The following ADGRB3 variants were observed in gnomAD, a reference collection of about 807,000 sequenced individuals.
ADGRB3 encodes the protein brain-specific angiogenesis inhibitor 3.
In ADGRB3, 37 loss-of-function variants were observed where a neutral mutation model predicts 193.4. The ratio of observed to expected loss-of-function variants is 0.19; its 90% confidence interval spans 0.15 to 0.25. The LOEUF (loss-of-function observed/expected upper bound fraction) is 0.25. Among genes scored for constraint, ADGRB3 ranks in the 10% least tolerant of loss-of-function variants. The probability of loss-of-function intolerance (pLI) is 1.00; values close to 1 mark genes in which losing one functional copy is unlikely to be tolerated. For missense variants in ADGRB3, 1,637 were observed against 1,852.9 expected, an observed-to-expected ratio of 0.88 and a Z score of 2.14; for synonymous variants, 690 against 644.2, an observed-to-expected ratio of 1.07 and a Z score of -1.08.
Position 68,749,408 on chromosome 6 carries a change from A to ATATGTGTGTG in ADGRB3, c.757+109977_757+109978insATGTGTGTGT, listed in dbSNP as rs540892508. ...TAAACTCCCCTTTATATATATATATATGTGTGTGTGTGTGTGTGTGTGTGT... is the reference window on the plus strand; with the variant it reads ...TAAACTCCCCTTTATATATATATATATATGTGTGTGTGTGTGTGTGTGTGTGTGTGTGTGT... On this transcript the variant is annotated intron_variant, in intron 3 of 31. Coordinates refer to ENST00000370598, the MANE Select transcript of ADGRB3 (RefSeq NM_001704.3). 9.5e-3 allele frequency among the ~76,000 whole-genome samples: 1,296 copies of ATATGTGTGTG among 136,496 alleles called. 8 individuals are homozygous for ATATGTGTGTG. The highest frequency in any genetic ancestry group is 0.015 in the Non-Finnish European group (971 of 64,116). The allele number at this position is 136,496 out of a possible 152,430, so 89.5% of individuals were successfully genotyped here.
intron 3 of ADGRB3, among the ~76,000 whole-genome samples, chr6:68,824,340 T>C (rs1767802121): frequency 6.6e-6 from 1 of 151,692 alleles, no homozygotes; most frequent in African/African-American, 2.4e-5. Context: ...TTTTAAATTA[T>C]AATGATTATG....
At chr6:69,160,502 T>C (rs1774954017) in intron 17 of ADGRB3, among the ~76,000 whole-genome samples, 3 of 152,170 alleles carry the variant, frequency 2.0e-5, no homozygotes, top group Admixed American at 2.0e-4. Flanking sequence ...TTTTCTCAAA[T>C]GTTATCTTTC....
At chr6:68,949,879 A>G (rs1217307636) in intron 6 of ADGRB3, among the ~76,000 whole-genome samples, 9 of 151,776 alleles carry the variant, frequency 5.9e-5, no homozygotes. Flanking sequence ...TTTCTCATTC[A>G]AACTTTAACT....
chr6:68,730,465 G>C (rs1765752044), intron 3 of ADGRB3, among the ~76,000 whole-genome samples: 1 of 151,650 alleles, frequency 6.6e-6, no homozygotes, highest in Non-Finnish European at 1.5e-5. Context: ...TAAAGTTGAT[G>C]ACTCAGGCAC....
chr6:69,147,028 A>C (rs1220930151), intron 17 of ADGRB3, among the ~76,000 whole-genome samples: 1 of 150,924 alleles, frequency 6.6e-6, no homozygotes, highest in Non-Finnish European at 1.5e-5. Flanking sequence ...GATTTTATTT[A>C]TTTGGGTATC....
intron 17 of ADGRB3, among the ~76,000 whole-genome samples, chr6:69,128,096 G>A (rs1773907060): frequency 6.6e-6 from 1 of 152,128 alleles, no homozygotes; most frequent in African/African-American, 2.4e-5. Flanking sequence ...TCTCTTTGCA[G>A]TGAGAAATTG....
chr6:68,972,226 T>G (rs1006605991), intron 8 of ADGRB3, among the ~76,000 whole-genome samples: 2 of 152,180 alleles, frequency 1.3e-5, no homozygotes, highest in Non-Finnish European at 2.9e-5. Flanking sequence ...GTGATTAGTT[T>G]TATTTTATTA....
At chr6:68,833,816 A>C (rs1272129932) in intron 3 of ADGRB3, among the ~76,000 whole-genome samples, 1 of 152,040 alleles carries the variant, frequency 6.6e-6, no homozygotes, top group South Asian at 2.1e-4. Flanking sequence ...ATTACATCCA[A>C]AAATAATCCA....
intron 20 of ADGRB3, among the ~76,000 whole-genome samples, chr6:69,289,840 G>A (rs1325147015): frequency 1.3e-5 from 2 of 151,664 alleles, no homozygotes; most frequent in African/African-American, 2.4e-5. Flanking sequence ...GCCACATCTC[G>A]TTTGCCGCCA....
At chr6:68,765,916 A>G (rs1358775168) in intron 3 of ADGRB3, among the ~76,000 whole-genome samples, 4 of 151,972 alleles carry the variant, frequency 2.6e-5, no homozygotes, top group Non-Finnish European at 5.9e-5. Context: ...ATATATTTAC[A>G]TGTGTCTGAA....
intron 4 of ADGRB3, among the ~76,000 whole-genome samples, chr6:68,935,831 T>G (rs1447920645): frequency 6.6e-6 from 1 of 152,176 alleles, no homozygotes; most frequent in Non-Finnish European, 1.5e-5. Flanking sequence ...TAAATAAATT[T>G]TAATTCCATA....
chr6:69,132,217 G>A (rs1247635643), intron 17 of ADGRB3, among the ~76,000 whole-genome samples: 1 of 152,128 alleles, frequency 6.6e-6, no homozygotes, highest in African/African-American at 2.4e-5. Context: ...CCTCCATAAT[G>A]GTTGAACTAA....
chr6:69,253,635 A>T (rs182143080), intron 20 of ADGRB3, among the ~76,000 whole-genome samples: 18 of 152,192 alleles, frequency 1.2e-4, no homozygotes, highest in Admixed American at 1.0e-3. Flanking sequence ...AGAACTATGC[A>T]CTGCTCTAGG....
chr6:69,131,252 G>A lies in ADGRB3; in HGVS notation c.2480+55214G>A, dbSNP rs539255774. 1.6e-4 allele frequency among the ~76,000 whole-genome samples: 24 copies of A among 152,118 alleles called. No individual in the cohort carries two copies. In the South Asian group the frequency reaches 3.3e-3, roughly 21 times the overall value. ...ATTGGAAATTGTCTTCAACTAAAAC[G>A]GGATCAAGAAATGACACTGAAAATT... On this transcript the variant is annotated intron_variant, in intron 17 of 31. Transcript: ENST00000370598.
At chr6:69,242,219 A>G (rs907778274) in intron 20 of ADGRB3, among the ~76,000 whole-genome samples, 2 of 151,956 alleles carry the variant, frequency 1.3e-5, no homozygotes, top group Non-Finnish European at 2.9e-5. Context: ...ATGTGCATAA[A>G]CTACAAATAA....
In ADGRB3 at chr6:69,233,587, A is replaced by G. The variant is rs140147027; in HGVS notation, c.2607+171A>G. On this transcript the variant is annotated intron_variant, in intron 18 of 31. Coordinates refer to ENST00000370598, the MANE Select transcript of ADGRB3 (RefSeq NM_001704.3). ...CTTGGTGGAATGAATTCTAGTTGGTATTCTATAACTAAATTCTACTCAATT... is the reference window on the plus strand; with the variant it reads ...CTTGGTGGAATGAATTCTAGTTGGTGTTCTATAACTAAATTCTACTCAATT... Among the ~76,000 whole-genome samples the G allele has an allele frequency of 3.0e-3, 450 of 152,308 alleles. 1 individual carries two copies. Among genetic ancestry groups the G allele is most frequent in the Admixed American group, 5.0e-3 (77 of 15,294 alleles).
At chr6:68,863,641 CACT>C in intron 3 of ADGRB3, among the ~76,000 whole-genome samples, 1 of 152,138 alleles carries the variant, frequency 6.6e-6, no homozygotes, top group Middle Eastern at 3.4e-3. Context: ...TTGATGAATA[CACT>C]TAAAAATATA....
At chr6:69,276,518 C>T (rs1011967551) in intron 20 of ADGRB3, among the ~76,000 whole-genome samples, 1 of 152,082 alleles carries the variant, frequency 6.6e-6, no homozygotes, top group Non-Finnish European at 1.5e-5. Flanking sequence ...CAAATAAATT[C>T]CCATCAAGGT....
chr6:68,964,651 AT>A (rs1423294919), intron 8 of ADGRB3, among the ~76,000 whole-genome samples: 2 of 152,168 alleles, frequency 1.3e-5, no homozygotes, highest in Non-Finnish European at 2.9e-5. Context: ...TAGTTAGCTA[AT>A]TTTTTAATTA....
Sources: gnomAD v4.1 joint callset for allele counts (sites outside exome capture counted in the v4.1 genomes callset) on GRCh38, gnomAD v4.1.1 for gene constraint, MANE v1.5 for transcripts, NCBI Gene and HGNC (gene_info 2026-07-23, HGNC 2026-07-21) for gene names.